Variants in ANO4 observed in about 807,000 individuals in gnomAD.
ANO4 encodes anoctamin 4.
A neutral mutation model predicts 141.9 loss-of-function variants in ANO4; 69 were observed. That is an observed-to-expected ratio of 0.49 (90% CI 0.40 to 0.59). The LOEUF (loss-of-function observed/expected upper bound fraction) is 0.59, where lower values mean the gene tolerates loss of function less well. ANO4 is among the 20% of genes least tolerant of loss of function. The pLI, the probability that ANO4 is intolerant of heterozygous loss-of-function variation, is 0.00. For missense variants in ANO4, 894 were observed against 1,162.2 expected (o/e 0.77, Z 3.36); for synonymous variants, 350 against 394.3 (o/e 0.89, Z 1.33).
chr12:101,066,954 GACT>G, intron 14 of ANO4: 1 of 649,248 alleles, frequency 1.5e-6, no homozygotes, highest in African/African-American at 2.0e-5. Flanking sequence ...GACTTTGTGT[GACT>G]ACATGACACT....
intron 11 of ANO4, among the ~76,000 whole-genome samples, chr12:101,040,603 TG>T (rs2047374546): frequency 6.6e-6 from 1 of 150,462 alleles, no homozygotes; most frequent in Admixed American, 6.6e-5. Flanking sequence ...TGGAAATGTA[TG>T]TTTTTTTATT....
Position 100,989,238 on chromosome 12 carries a change from G to A in ANO4, c.734+1568G>A, listed in dbSNP as rs1425068418. Among the ~76,000 whole-genome samples the A allele has an allele frequency of 2.0e-5, 3 of 152,162 alleles. No homozygotes were observed. In the East Asian group the frequency reaches 5.8e-4, roughly 29 times the overall value. ...CTCAAAATCTTAGTTCGATCCTCAA[G>A]AGAAAGTGGGAACTGGAAGGGACAT... On this transcript the variant is annotated intron_variant, in intron 8 of 27. Transcript: ENST00000392977.
chr12:100,936,569 T>C (rs1409757796), intron 3 of ANO4, among the ~76,000 whole-genome samples: 2 of 152,150 alleles, frequency 1.3e-5, no homozygotes, highest in Admixed American at 1.3e-4. Flanking sequence ...CCTAAGGGGA[T>C]ACATACATAT....
chr12:100,762,370 C>G (rs569998431), intron 3 of ANO4, among the ~76,000 whole-genome samples: 78 of 152,284 alleles, frequency 5.1e-4, no homozygotes, highest in African/African-American at 1.9e-3. Context: ...CTAGCCACCT[C>G]AGGCACAATT....
intron 25 of ANO4, among the ~76,000 whole-genome samples, chr12:101,118,938 G>A (rs986790443): frequency 7.2e-6 from 1 of 139,764 alleles, no homozygotes; most frequent in Non-Finnish European, 1.5e-5. Flanking sequence ...TCATTGTTCA[G>A]TTCCCACCTA....
chr12:101,109,568 A>C (rs374457926), intron 22 of ANO4, among the ~76,000 whole-genome samples: 1 of 152,296 alleles, frequency 6.6e-6, no homozygotes, highest in African/African-American at 2.4e-5. Flanking sequence ...CTCAAAAAAA[A>C]ACAAAAAACA....
At chr12:100,718,499 C>T (rs954214844) in intron 1 of ANO4, among the ~76,000 whole-genome samples, 2 of 152,154 alleles carry the variant, frequency 1.3e-5, no homozygotes, top group African/African-American at 2.4e-5. Context: ...ATGGGTGGGA[C>T]GGAAATTACT....
In ANO4 at chr12:100,928,928, T is replaced by G. The variant is rs145977763; in HGVS notation, c.160+6598T>G. ...CATCATCTGTGCTGTTTTATAAACA[T>G]TGCCATTATTGAGCCAGGTGATGAC... is the stretch of plus-strand genomic sequence containing the variant. On this transcript the variant is annotated intron_variant, in intron 3 of 27. Coordinates refer to ENST00000392977, the MANE Select transcript of ANO4 (RefSeq NM_001286615.2). Among the ~76,000 whole-genome samples, 277 of 152,272 alleles carry G rather than the reference T, an allele frequency of 1.8e-3. 1 individual carries two copies. Among genetic ancestry groups the G allele is most frequent in the African/African-American group, 6.3e-3 (261 of 41,578 alleles).
At chr12:101,126,103 T>C (rs1407755011) in intron 26 of ANO4, among the ~76,000 whole-genome samples, 1 of 152,244 alleles carries the variant, frequency 6.6e-6, no homozygotes, top group Admixed American at 6.5e-5. Flanking sequence ...TTTGAAAATA[T>C]GAGAACTATG....
chr12:100,717,867 G>C (rs1006943548), intron 1 of ANO4, among the ~76,000 whole-genome samples: 3 of 152,198 alleles, frequency 2.0e-5, no homozygotes, highest in Admixed American at 2.0e-4. Context: ...TCCTCTAGCG[G>C]GGTGAGGCTT....
chr12:100,868,735 C>T (rs1309350423), intron 1 of ANO4, among the ~76,000 whole-genome samples: 1 of 152,190 alleles, frequency 6.6e-6, no homozygotes, highest in Non-Finnish European at 1.5e-5. Context: ...GTTGCTCATC[C>T]TAGGTCCACT....
intron 2 of ANO4, among the ~76,000 whole-genome samples, chr12:100,912,811 A>G (rs2041173229): frequency 6.6e-6 from 1 of 152,192 alleles, no homozygotes; most frequent in African/African-American, 2.4e-5. Context: ...ATTGTATGGA[A>G]AAAGCGACAA....
At chr12:100,794,399 T>C (rs1042136811), upstream of ANO4, among the ~76,000 whole-genome samples, 1 of 152,150 alleles carries the variant, frequency 6.6e-6, no homozygotes, top group Non-Finnish European at 1.5e-5. Context: ...ACTATGGGGC[T>C]TTAGATCTTT....
At chr12:100,858,227 G>A (rs888273521) in intron 1 of ANO4, among the ~76,000 whole-genome samples, 3 of 152,166 alleles carry the variant, frequency 2.0e-5, no homozygotes, top group Non-Finnish European at 4.4e-5. Flanking sequence ...CCACTACATA[G>A]CTAGGGTACA....
chr12:101,021,907 C>T (rs528608856), intron 9 of ANO4, among the ~76,000 whole-genome samples: 2 of 151,966 alleles, frequency 1.3e-5, no homozygotes, highest in South Asian at 4.2e-4. Flanking sequence ...AAGGTAAAGT[C>T]TTACAGTCAA....
chr12:101,103,209 A>G (rs1176935500), intron 22 of ANO4, among the ~76,000 whole-genome samples: 1 of 91,810 alleles, frequency 1.1e-5, no homozygotes, highest in Non-Finnish European at 2.6e-5. Flanking sequence ...ATATATATAT[A>G]TATATATATA....
chr12:100,774,176 T>C (rs1051451908), intron 3 of ANO4, among the ~76,000 whole-genome samples: 5 of 138,192 alleles, frequency 3.6e-5, no homozygotes, highest in African/African-American at 1.0e-4. Context: ...GCATCCTATG[T>C]GGTTTTACCC....
upstream of ANO4, among the ~76,000 whole-genome samples, chr12:100,789,807 A>T (rs1433634520): frequency 3.3e-5 from 5 of 152,228 alleles, no homozygotes; most frequent in African/African-American, 1.2e-4. Flanking sequence ...GGCATGAAAG[A>T]TGGATTCATT....
chr12:100,817,391 G>T (rs894333966), intron 1 of ANO4, among the ~76,000 whole-genome samples: 2 of 151,662 alleles, frequency 1.3e-5, no homozygotes, highest in Non-Finnish European at 2.9e-5. Context: ...GTCTTCTTGG[G>T]TTTGGACATG....
Sources: gnomAD v4.1 joint callset for allele counts (sites outside exome capture counted in the v4.1 genomes callset) on GRCh38, gnomAD v4.1.1 for gene constraint, MANE v1.5 for transcripts, NCBI Gene and HGNC (gene_info 2026-07-23, HGNC 2026-07-21) for gene names.